The following CNTNAP2 variants were observed in gnomAD, a reference collection of about 807,000 sequenced individuals.
The protein encoded by CNTNAP2 is contactin associated protein 2.
Under a neutral mutation model 155.2 loss-of-function variants are expected in CNTNAP2, and 98 were observed. The ratio of observed to expected loss-of-function variants is 0.63; its 90% confidence interval spans 0.54 to 0.75. The LOEUF is 0.75. Ranked by LOEUF, CNTNAP2 falls within the 30% of genes least tolerant of loss-of-function variation. CNTNAP2 has a pLI of 0.00. For missense variants in CNTNAP2, 1,727 were observed against 1,688.1 expected (o/e 1.02, Z -0.40); for synonymous variants, 651 against 631.2 (o/e 1.03, Z -0.47).
At chr7:147,285,522 A>C (rs1406207635) in intron 8 of CNTNAP2, among the ~76,000 whole-genome samples, 1 of 152,048 alleles carries the variant, frequency 6.6e-6, no homozygotes, top group Non-Finnish European at 1.5e-5. Context: ...AAAAAATGAG[A>C]AAATTGATTC....
intron 21 of CNTNAP2, among the ~76,000 whole-genome samples, chr7:148,331,829 A>T (rs1798032111): frequency 9.0e-6 from 1 of 111,182 alleles, no homozygotes; most frequent in African/African-American, 3.0e-5. Flanking sequence ...TAAAACCCCC[A>T]GTAGCTACGA....
At chr7:148,092,925 C>T (rs1803877719) in intron 15 of CNTNAP2, among the ~76,000 whole-genome samples, 1 of 150,314 alleles carries the variant, frequency 6.7e-6, no homozygotes, top group African/African-American at 2.4e-5. Flanking sequence ...GGTCCAGGTG[C>T]CTGCCTTCTG....
intron 8 of CNTNAP2, among the ~76,000 whole-genome samples, chr7:147,257,904 G>A (rs1804368338): frequency 6.6e-6 from 1 of 152,188 alleles, no homozygotes; most frequent in South Asian, 2.1e-4. Context: ...AGATTGCATC[G>A]TTTCAGTATT....
At chr7:148,045,488 T>C (rs1448779679) in intron 15 of CNTNAP2, among the ~76,000 whole-genome samples, 1 of 152,124 alleles carries the variant, frequency 6.6e-6, no homozygotes, top group Non-Finnish European at 1.5e-5. Flanking sequence ...AGGTGGGCAC[T>C]AGCAGATACC....
chr7:147,310,624 G>A (rs1795106553), intron 9 of CNTNAP2, among the ~76,000 whole-genome samples: 1 of 152,116 alleles, frequency 6.6e-6, no homozygotes, highest in Non-Finnish European at 1.5e-5. Flanking sequence ...TACTTGGGAA[G>A]CATAAATAAG....
At chr7:147,485,826 A>T in intron 10 of CNTNAP2, 109 bp from the exon 11 acceptor site, 1 of 1,055,968 alleles carries the variant, frequency 9.5e-7, no homozygotes, top group Non-Finnish European at 1.5e-6. Context: ...TTGCCTTGGT[A>T]AGGCAACCTG....
At chr7:146,650,943 C>T (rs1335408376) in intron 1 of CNTNAP2, among the ~76,000 whole-genome samples, 2 of 152,020 alleles carry the variant, frequency 1.3e-5, no homozygotes, top group African/African-American at 4.8e-5. Context: ...TTGCTTGAGC[C>T]CAGGAGTTCA....
chr7:146,356,555 T>G (rs1795001311), intron 1 of CNTNAP2, among the ~76,000 whole-genome samples: 1 of 152,164 alleles, frequency 6.6e-6, no homozygotes, highest in African/African-American at 2.4e-5. Flanking sequence ...AATAAGCTAA[T>G]GAACATCAAT....
intron 1 of CNTNAP2, among the ~76,000 whole-genome samples, chr7:146,316,215 C>G (rs1800902871): frequency 6.6e-6 from 1 of 152,008 alleles, no homozygotes; most frequent in Admixed American, 6.6e-5. Flanking sequence ...CTATATACCC[C>G]AAATGTTACT....
At chr7:147,582,309 T>G (rs1383845443) in intron 12 of CNTNAP2, among the ~76,000 whole-genome samples, 1 of 152,136 alleles carries the variant, frequency 6.6e-6, no homozygotes, top group Non-Finnish European at 1.5e-5. Flanking sequence ...GTAATCTCTG[T>G]TTCAACAAAT....
intron 21 of CNTNAP2, among the ~76,000 whole-genome samples, chr7:148,287,915 C>T (rs1261350168): frequency 6.6e-6 from 1 of 151,230 alleles, no homozygotes; most frequent in Non-Finnish European, 1.5e-5. Flanking sequence ...CTTCAGCCTC[C>T]GGAGTAGCTG....
chr7:146,741,448 G>A (rs1801714827), intron 1 of CNTNAP2, among the ~76,000 whole-genome samples: 1 of 152,130 alleles, frequency 6.6e-6, no homozygotes, highest in Admixed American at 6.5e-5. Context: ...AATTTTGCTG[G>A]TAAAATTGTT....
intron 2 of CNTNAP2, among the ~76,000 whole-genome samples, chr7:146,808,962 A>C (rs73170347): frequency 6.6e-6 from 1 of 152,252 alleles, no homozygotes; most frequent in Non-Finnish European, 1.5e-5. Flanking sequence ...TTATCTATAC[A>C]CCTGTTGATG....
At chr7:146,222,418 A>G (rs951115015) in intron 1 of CNTNAP2, among the ~76,000 whole-genome samples, 5 of 152,164 alleles carry the variant, frequency 3.3e-5, no homozygotes, top group Non-Finnish European at 7.3e-5. Context: ...AGAGAAAATC[A>G]ATGGTCAGAT....
chr7:147,935,136 C>CT (rs967482267), intron 14 of CNTNAP2, among the ~76,000 whole-genome samples: 61 of 148,214 alleles, frequency 4.1e-4, no homozygotes, highest in South Asian at 1.5e-3. Context: ...ATCTTTCTTT[C>CT]TTTTTTTTTG....
At chr7:146,970,380 C>T (rs1291900926) in intron 3 of CNTNAP2, among the ~76,000 whole-genome samples, 22 of 152,000 alleles carry the variant, frequency 1.4e-4, no homozygotes, top group Admixed American at 4.6e-4. Context: ...AACAAACAAC[C>T]CCATCAAAAA....
intron 1 of CNTNAP2, among the ~76,000 whole-genome samples, chr7:146,338,779 G>A (rs1475118095): frequency 6.6e-6 from 1 of 151,992 alleles, no homozygotes; most frequent in African/African-American, 2.4e-5. Context: ...AATGTGGTCA[G>A]AATTAAGTTG....
At chr7:147,899,682 C>A (rs144742829) in intron 13 of CNTNAP2, among the ~76,000 whole-genome samples, 1,631 of 152,030 alleles carry the variant, frequency 0.011, 21 homozygotes, top group African/African-American at 0.037. Context: ...GTCAGGAGTT[C>A]GAGACCAGCC....
At chr7:147,516,826 A>G (rs1799136138) in intron 11 of CNTNAP2, among the ~76,000 whole-genome samples, 1 of 148,548 alleles carries the variant, frequency 6.7e-6, no homozygotes, top group Non-Finnish European at 1.5e-5. Flanking sequence ...AAACCACAAA[A>G]TGTAATTAAT....
Sources: gnomAD v4.1 joint callset for allele counts (sites outside exome capture counted in the v4.1 genomes callset) on GRCh38, gnomAD v4.1.1 for gene constraint, MANE v1.5 for transcripts, NCBI Gene and HGNC (gene_info 2026-07-23, HGNC 2026-07-21) for gene names.